Variants in KATNIP observed in about 807,000 individuals in gnomAD.
The protein encoded by KATNIP is katanin interacting protein.
A neutral mutation model predicts 174.0 loss-of-function variants in KATNIP; 126 were observed. That is an observed-to-expected ratio of 0.72 (90% CI 0.63 to 0.84). The LOEUF is 0.84. KATNIP is among the 40% of genes least tolerant of loss of function. The probability of loss-of-function intolerance (pLI) is 0.00; values close to 1 mark genes in which losing one functional copy is unlikely to be tolerated. For synonymous variants in KATNIP, 810 were observed against 835.7 expected (o/e 0.97, Z 0.53); for missense variants, 1,958 against 2,109.7 (o/e 0.93, Z 1.41).
At chr16:27,570,027 C>T (rs756954602) in intron 1 of KATNIP, among the ~76,000 whole-genome samples, 13 of 152,002 alleles carry the variant, frequency 8.6e-5, no homozygotes, top group Non-Finnish European at 1.9e-4. Context: ...AGATTACAGA[C>T]GTGAGCCACT....
chr16:27,776,639 C>T lies in KATNIP; in HGVS notation c.4450-289C>T, dbSNP rs1036876462. 4.6e-5 allele frequency among the ~76,000 whole-genome samples: 7 copies of T among 152,124 alleles called. No individual in the cohort carries two copies. Among genetic ancestry groups the T allele is most frequent in the African/African-American group, 7.2e-5 (3 of 41,420 alleles). On this transcript the variant is annotated intron_variant, in intron 24 of 27. Coordinates refer to ENST00000261588, the MANE Select transcript of KATNIP (RefSeq NM_015202.5). This position sits in a 1 kb window ranked among gnomAD's most constrained non-coding sequence, Gnocchi z 4.7. ...GACCTGAGGGGACGTGGGGGAGGGC[C>T]GAGGATGTTCCCAATCCTCCACTGG...
chr16:27,745,296 CTTCT>C (rs1204753177), intron 15 of KATNIP, among the ~76,000 whole-genome samples: 2 of 152,214 alleles, frequency 1.3e-5, no homozygotes, highest in African/African-American at 4.8e-5. Context: ...ACCAAGGACG[CTTCT>C]TTCTATTTCT....
rs185913839 is a variant in KATNIP, at chr16:27,772,159, G to A, written c.4198+507G>A. ...CTGGTGGTACATGCCCATAGTCCAA[G>A]CTACTTGGAGGCTGAGGTGGGAGGA... On this transcript the variant is annotated intron_variant, in intron 22 of 27. Transcript: ENST00000261588. Among the ~76,000 whole-genome samples, 13 of 152,254 alleles carry A rather than the reference G, an allele frequency of 8.5e-5. No individual in the cohort carries two copies. The East Asian group carries it at 2.5e-3, about 29-fold the overall frequency.
intron 2 of KATNIP, among the ~76,000 whole-genome samples, chr16:27,601,237 G>T (rs573783323): frequency 5.9e-5 from 9 of 152,122 alleles, no homozygotes; most frequent in Non-Finnish European, 1.2e-4. Flanking sequence ...GAGCAAGCTC[G>T]CATTGTCCCT....
chr16:27,704,007 C>T lies in KATNIP; in HGVS notation c.1389+9C>T, dbSNP rs1218476170. On this transcript the variant is annotated intron_variant, in intron 12 of 27. Transcript: ENST00000261588. ...AAGTATCAGACACAGAGGTGAGAGC[C>T]TTGACTTGATTTTCAGTTGTACATT... 1 of 1,608,412 alleles carries T rather than the reference C, an allele frequency of 6.2e-7. No individual in the cohort carries two copies. The highest frequency in any genetic ancestry group is 1.3e-5 in the African/African-American group (1 of 74,928).
At chr16:27,649,028 A>G (rs1036668544) in intron 6 of KATNIP, among the ~76,000 whole-genome samples, 3 of 152,300 alleles carry the variant, frequency 2.0e-5, no homozygotes, top group Admixed American at 1.3e-4. Context: ...GGGGCAGAGC[A>G]TGGCGCAGAC....
At chr16:27,649,599 T>G (rs564868574) in intron 6 of KATNIP, among the ~76,000 whole-genome samples, 118 of 152,320 alleles carry the variant, frequency 7.7e-4, no homozygotes, top group Admixed American at 1.0e-3. Flanking sequence ...CAAGCCATCC[T>G]CTCACCCCAG....
At chr16:27,690,246 G>T (rs2078667396) in intron 8 of KATNIP, among the ~76,000 whole-genome samples, 1 of 151,974 alleles carries the variant, frequency 6.6e-6, no homozygotes, top group Non-Finnish European at 1.5e-5. Flanking sequence ...GCACAGGGAA[G>T]TCAAGGCTGC....
intron 1 of KATNIP, among the ~76,000 whole-genome samples, chr16:27,556,872 T>G (rs2089648188): frequency 6.6e-6 from 1 of 152,188 alleles, no homozygotes; most frequent in Non-Finnish European, 1.5e-5. Context: ...TTTGTGTCTG[T>G]TCTGTTTTCT....
chr16:27,731,474 AG>A (rs1263381063), intron 14 of KATNIP, among the ~76,000 whole-genome samples: 2 of 152,266 alleles, frequency 1.3e-5, no homozygotes, highest in African/African-American at 4.8e-5. Context: ...TATTCTGCAC[AG>A]CAGTCCTATG....
intron 13 of KATNIP, among the ~76,000 whole-genome samples, chr16:27,710,253 G>A (rs2079513368): frequency 6.6e-6 from 1 of 152,126 alleles, no homozygotes; most frequent in Admixed American, 6.5e-5. Context: ...CCACCTACTT[G>A]AGGCTGAGCC....
chr16:27,752,735 G>A (rs561240652), intron 17 of KATNIP, among the ~76,000 whole-genome samples: 5 of 151,576 alleles, frequency 3.3e-5, no homozygotes, highest in South Asian at 4.2e-4. Flanking sequence ...TTTATTTTTT[G>A]TAGAGATGTG....
At chr16:27,751,974 C>A in intron 17 of KATNIP, 50 bp downstream of exon 17, 1 of 1,474,548 alleles carries the variant, frequency 6.8e-7, no homozygotes, top group Non-Finnish European at 9.2e-7. Context: ...TAGGTTTCTT[C>A]CCCTAACTCA....
At position 27,616,887 on chromosome 16, in the gene KATNIP, T is replaced by TAAAAAAA. The variant is rs556687403; in HGVS notation, c.64-1506_64-1500dup. Among the ~76,000 whole-genome samples, 22 of 31,428 alleles carry TAAAAAAA rather than the reference T, an allele frequency of 7.0e-4. 3 individuals are homozygous for TAAAAAAA. The highest frequency in any genetic ancestry group is 1.4e-3 in the Admixed American group (2 of 1,438). The allele number at this position is 31,428 out of a possible 152,430, so 20.6% of individuals were successfully genotyped here. ...CAACATAGTGAGATGCCATCTCTAC[T>TAAAAAAA]AAAAAAAAAAAAAAAAAAAAAAAAA... On this transcript the variant is annotated intron_variant, in intron 2 of 27. Transcript: ENST00000261588.
At chr16:27,632,458 C>G (rs2076518507) in intron 5 of KATNIP, 1 of 374,906 alleles carries the variant, frequency 2.7e-6, no homozygotes, top group South Asian at 1.9e-5. Context: ...AGCTTCATGC[C>G]TCTCCATGGA....
intron 14 of KATNIP, among the ~76,000 whole-genome samples, chr16:27,722,853 C>T (rs1305307911): frequency 2.6e-5 from 4 of 152,224 alleles, no homozygotes; most frequent in Non-Finnish European, 4.4e-5. Flanking sequence ...CATGAGCCTT[C>T]CTTATGTGTA....
intron 19 of KATNIP, among the ~76,000 whole-genome samples, chr16:27,762,444 G>A (rs1008810337): frequency 1.3e-5 from 2 of 152,122 alleles, no homozygotes; most frequent in Non-Finnish European, 2.9e-5. Context: ...ACCATTATGA[G>A]CCCTACTATA....
chr16:27,631,074 G>A lies in KATNIP; in HGVS notation c.320G>A (p.Arg107Gln), dbSNP rs770789446. 8.2e-5 allele frequency: 129 copies of A among 1,568,522 alleles called. 3 individuals carry two copies. In the South Asian group the frequency reaches 1.0e-3, roughly 12 times the overall value. Reference sequence around the variant, plus strand: ...CTCGTCTCTGGTGCAGATTATGGACGAAGAACTCTGTTTCGAGAAGCTGAA... The same window carrying A: ...CTCGTCTCTGGTGCAGATTATGGACAAAGAACTCTGTTTCGAGAAGCTGAA... ...SHTEGTHDYG[R>Q]RTLFREAEEA... The change falls in exon 5 of 28, where the codon CGA (arginine) becomes CAA (glutamine). Residue 107 changes from arginine to glutamine, a missense_variant. By Grantham distance (43) the Arg-to-Gln change is conservative. Transcript: ENST00000261588.
chr16:27,775,703 CT>C (rs144531753), intron 24 of KATNIP, among the ~76,000 whole-genome samples: 1,548 of 152,318 alleles, frequency 0.01, 27 homozygotes, highest in African/African-American at 0.036. Context: ...GTCAGCCCCC[CT>C]GCAGCCTCTC....
Sources: allele counts gnomAD v4.1 joint callset (sites outside exome capture counted in the v4.1 genomes callset), GRCh38; gene constraint gnomAD v4.1.1; non-coding constraint Gnocchi (gnomAD v3.1); transcripts MANE v1.5; gene names NCBI Gene and HGNC (gene_info 2026-07-23, HGNC 2026-07-21).